The following ELAPOR1 variants were observed in gnomAD, a reference collection of about 807,000 sequenced individuals.
ELAPOR1 encodes the protein endosome/lysosome-associated apoptosis and autophagy regulator 1.
In ELAPOR1, 77 loss-of-function variants were observed where a neutral mutation model predicts 119.7. The observed-to-expected ratio is 0.64, with a 90% CI of 0.54 to 0.78. The LOEUF is 0.78. Ranked by LOEUF, ELAPOR1 falls within the 30% of genes least tolerant of loss-of-function variation. ELAPOR1 has a pLI of 0.00. For synonymous variants in ELAPOR1, 481 were observed against 487.2 expected, an observed-to-expected ratio of 0.99 and a Z score of 0.17; for missense variants, 1,115 against 1,270.4, an observed-to-expected ratio of 0.88 and a Z score of 1.86.
intron 1 of ELAPOR1, among the ~76,000 whole-genome samples, chr1:109,116,285 C>T (rs149251792): frequency 0.013 from 1,958 of 152,258 alleles, 39 homozygotes; most frequent in African/African-American, 0.045. Flanking sequence ...TTACTTACCA[C>T]GTGGTTTTTG....
intron 7 of ELAPOR1, among the ~76,000 whole-genome samples, chr1:109,183,344 A>C (rs866434171): frequency 0.011 from 542 of 48,114 alleles, 7 homozygotes; most frequent in African/African-American, 0.026. Context: ...AAAAAAAAAA[A>C]AAAACAAAAA....
chr1:109,159,698 T>C (rs1256876548), intron 1 of ELAPOR1, among the ~76,000 whole-genome samples: 1 of 152,164 alleles, frequency 6.6e-6, no homozygotes, highest in Non-Finnish European at 1.5e-5. Context: ...GGACAAGCTA[T>C]CACACCACTG....
intron 7 of ELAPOR1, among the ~76,000 whole-genome samples, chr1:109,176,876 A>G (rs1328861330): frequency 7.0e-6 from 1 of 143,076 alleles, no homozygotes; most frequent in Admixed American, 7.1e-5. Context: ...AATCCATTCA[A>G]CCCTGAGTGG....
intron 3 of ELAPOR1, among the ~76,000 whole-genome samples, chr1:109,171,322 T>C (rs1196155715): frequency 6.6e-6 from 1 of 151,540 alleles, no homozygotes; most frequent in Admixed American, 6.6e-5. Context: ...CCGAGGTGGG[T>C]GGATCACTTG....
At chr1:109,144,059 A>ATTTTTTT (rs1243626258) in intron 1 of ELAPOR1, among the ~76,000 whole-genome samples, 5 of 34,408 alleles carry the variant, frequency 1.5e-4, no homozygotes, top group East Asian at 9.2e-4. Context: ...ATATATTTAT[A>ATTTTTTT]TATTTTTTTT....
chr1:109,203,337 T>C lies in ELAPOR1; in HGVS notation c.*325T>C, dbSNP rs1654294165. ...TTGGAATGAAAATATTTCTATCTTC[T>C]TAAGTATAGAAACTATTTCCTCTGT... On this transcript the variant is annotated 3_prime_UTR_variant, in exon 22 of 22. Coordinates refer to ENST00000369939, the MANE Select transcript of ELAPOR1 (RefSeq NM_020775.5). 1 of 307,384 alleles carries C rather than the reference T, an allele frequency of 3.3e-6. No homozygotes were observed. Among genetic ancestry groups the C allele is most frequent in the Admixed American group, 5.5e-5 (1 of 18,110 alleles). The allele number at this position is 307,384 out of a possible 1,614,324, so 19.0% of individuals were successfully genotyped here. A position where few individuals can be genotyped will look rare whatever the true frequency, so the allele number is the denominator to read the frequency against.
At chr1:109,200,343 C>T in intron 20 of ELAPOR1, 106 bp downstream of exon 20, 1 of 1,358,426 alleles carries the variant, frequency 7.4e-7, no homozygotes, top group Non-Finnish European at 1.0e-6. Flanking sequence ...GAGTTGGCTA[C>T]AGACTCTGTG....
intron 1 of ELAPOR1, among the ~76,000 whole-genome samples, chr1:109,144,766 C>A (rs1309037884): frequency 6.6e-6 from 1 of 152,062 alleles, no homozygotes; most frequent in Non-Finnish European, 1.5e-5. Flanking sequence ...AAATGGAATT[C>A]TAGGATTGGC....
At chr1:109,150,606 G>A (rs1650473593) in intron 1 of ELAPOR1, among the ~76,000 whole-genome samples, 1 of 152,200 alleles carries the variant, frequency 6.6e-6, no homozygotes, top group African/African-American at 2.4e-5. Context: ...TTTACCTTTA[G>A]CAACTCGTTC....
intron 1 of ELAPOR1, among the ~76,000 whole-genome samples, chr1:109,127,209 TC>T (rs1259406594): frequency 6.7e-6 from 1 of 149,144 alleles, no homozygotes; most frequent in African/African-American, 2.5e-5. Context: ...TTCTTTTTTT[TC>T]TTTTCTTTTT....
At chr1:109,190,281 C>T (rs1342651445) in intron 11 of ELAPOR1, among the ~76,000 whole-genome samples, 1 of 152,212 alleles carries the variant, frequency 6.6e-6, no homozygotes, top group East Asian at 1.9e-4. Flanking sequence ...TCGGGCCCCT[C>T]ATCCATAAAA....
intron 1 of ELAPOR1, among the ~76,000 whole-genome samples, chr1:109,146,910 A>AT (rs575465608): frequency 0.026 from 3,782 of 144,368 alleles, 45 homozygotes; most frequent in Non-Finnish European, 0.035. Flanking sequence ...TGGCTATTTA[A>AT]TTTTTTTTTT....
chr1:109,145,841 T>C (rs1373877562), intron 1 of ELAPOR1, among the ~76,000 whole-genome samples: 1 of 152,066 alleles, frequency 6.6e-6, no homozygotes, highest in Non-Finnish European at 1.5e-5. Flanking sequence ...TGGCTAATTT[T>C]TGTACTTTTT....
chr1:109,169,734 C>T (rs1651814453), intron 3 of ELAPOR1, among the ~76,000 whole-genome samples: 1 of 152,204 alleles, frequency 6.6e-6, no homozygotes, highest in Non-Finnish European at 1.5e-5. Context: ...TCTCTTCCCT[C>T]ACATAATATT....
At chr1:109,142,193 G>GA (rs1041871206) in intron 1 of ELAPOR1, among the ~76,000 whole-genome samples, 4 of 151,280 alleles carry the variant, frequency 2.6e-5, no homozygotes, top group Non-Finnish European at 4.4e-5. Flanking sequence ...TCTGAAGAAA[G>GA]AAAAAAAGAA....
chr1:109,128,304 G>T (rs1042941805), intron 1 of ELAPOR1, among the ~76,000 whole-genome samples: 2 of 152,176 alleles, frequency 1.3e-5, no homozygotes, highest in Non-Finnish European at 2.9e-5. Flanking sequence ...AAAGCAAACA[G>T]AAAAATTGGA....
chr1:109,161,968 G>C lies in ELAPOR1; in HGVS notation c.228G>C (p.Pro76=). 6.2e-7 allele frequency: 1 copy of C among 1,613,904 alleles called. No individual in the cohort carries two copies. The highest frequency in any genetic ancestry group is 8.5e-7 in the Non-Finnish European group (1 of 1,179,842). Residue 76 remains proline, a synonymous_variant, in exon 2 of 22, where the codon CCG becomes CCC. Transcript: ENST00000369939. ...SRWRVAVPHT[P]GLCTSLPDPI... ...GGAGGGTCGCCGTGCCGCATACCCC[G>C]GGCCTGTGCACCAGCCTGCCTGACC...
chr1:109,160,368 T>C (rs1378406760), intron 1 of ELAPOR1, among the ~76,000 whole-genome samples: 1 of 151,936 alleles, frequency 6.6e-6, no homozygotes, highest in East Asian at 1.9e-4. Flanking sequence ...GAAATGCCAC[T>C]GCTTCTAAGA....
At chr1:109,134,680 C>A (rs139134685) in intron 1 of ELAPOR1, among the ~76,000 whole-genome samples, 2 of 152,230 alleles carry the variant, frequency 1.3e-5, no homozygotes, top group African/African-American at 4.8e-5. Flanking sequence ...TAAAGCCCTG[C>A]GGAGCTGAGC....
Sources: allele counts gnomAD v4.1 joint callset (sites outside exome capture counted in the v4.1 genomes callset), GRCh38; gene constraint gnomAD v4.1.1; transcripts MANE v1.5; gene names NCBI Gene and HGNC (gene_info 2026-07-23, HGNC 2026-07-21).